Variants in HOMER3 observed in about 807,000 individuals in gnomAD.
HOMER3 encodes the protein homer protein homolog 3.
Under a neutral mutation model 45.5 loss-of-function variants are expected in HOMER3, and 34 were observed. The observed-to-expected ratio is 0.75, with a 90% CI of 0.57 to 1.00. The LOEUF (loss-of-function observed/expected upper bound fraction) is 1.00, where lower values mean the gene tolerates loss of function less well. Among genes scored for constraint, HOMER3 ranks in the 50% least tolerant of loss-of-function variants. HOMER3 has a pLI of 0.00. For synonymous variants in HOMER3, 223 were observed against 208.8 expected (o/e 1.07, Z -0.58); for missense variants, 480 against 497.5 (o/e 0.96, Z 0.33).
At chr19:18,932,773 G>C (rs1035637596) in intron 6 of HOMER3, 151 bp downstream of exon 6, 9 of 577,204 alleles carry the variant, frequency 1.6e-5, no homozygotes, top group African/African-American at 1.4e-4. Context: ...GGCTCTGGAT[G>C]GGGCAGCATT....
intron 5 of HOMER3, among the ~76,000 whole-genome samples, chr19:18,933,486 G>A (rs1345590526): frequency 6.6e-6 from 1 of 152,210 alleles, no homozygotes; most frequent in Admixed American, 6.5e-5. Context: ...CACTGGCTCT[G>A]AGGGTAGACA....
Position 18,933,037 on chromosome 19 carries a change from C to T in HOMER3, c.420G>A (p.Pro140=). Residue 140 remains proline, a synonymous_variant, in exon 6 of 10, where the codon CCG becomes CCA. Transcript: ENST00000392351. The part of the protein sequence containing the change: ...ALGLASHQVP[P]SPLVSANGPG... The stretch of plus-strand genomic sequence containing the variant: ...GGCCGTTGGCACTGACGAGAGGGCT[C>T]GGGGGCACCTAGGCACGGGGAAAAG... 1.3e-6 allele frequency: 2 copies of T among 1,488,258 alleles called. No individual in the cohort carries two copies. The highest frequency in any genetic ancestry group is 8.9e-7 in the Non-Finnish European group (1 of 1,123,678). 92.2% of individuals were successfully genotyped at this position (1,488,258 alleles called of 1,614,324 possible).
At chr19:18,933,108 T>G in intron 5 of HOMER3, 63 bp from the exon 6 acceptor site, 1 of 1,408,858 alleles carries the variant, frequency 7.1e-7, no homozygotes, top group Non-Finnish European at 9.3e-7. Context: ...CTGATGTGAC[T>G]GGGGTCGTCA....
chr19:18,938,023 C>G (rs1488731199), intron 4 of HOMER3, among the ~76,000 whole-genome samples: 1 of 151,924 alleles, frequency 6.6e-6, no homozygotes, highest in Non-Finnish European at 1.5e-5. Context: ...GAAACCCTGT[C>G]TCTAATAAAA....
rs542800335 is a variant in HOMER3, at chr19:18,931,942, G to A, written c.690+34C>T. ...GCGGTCTCCACAGTTGCCCGGGCCA[G>A]GTGGGGGTCTCTCGGAGGGAGGGGT... On this transcript the variant is annotated intron_variant, in intron 7 of 9. Coordinates refer to ENST00000392351, the MANE Select transcript of HOMER3 (RefSeq NM_004838.4). 48 of 1,496,952 alleles carry A rather than the reference G, an allele frequency of 3.2e-5. No homozygotes were observed. In the East Asian group the frequency reaches 8.7e-4, roughly 27 times the overall value. 92.7% of individuals were successfully genotyped at this position (1,496,952 alleles called of 1,614,324 possible).
At chr19:18,936,144 T>C (rs1268080313) in intron 4 of HOMER3, among the ~76,000 whole-genome samples, 1 of 150,426 alleles carries the variant, frequency 6.6e-6, no homozygotes, top group Non-Finnish European at 1.5e-5. Flanking sequence ...TGAAACCCCA[T>C]GTCTACTAAA....
Position 18,929,569 on chromosome 19 carries a change from C to T in HOMER3, c.960G>A (p.Glu320=). ...GCGCCCGCTCCCGCTCTGCCCGTGC[C>T]TCCTCCAGGCTGCGCTCCATCGCCC... ...QLRAMERSLE[E]ARAERERARA... The change falls in exon 10 of 10, where the codon GAG becomes GAA. Residue 320 remains glutamate (E), a synonymous_variant. Coordinates refer to ENST00000392351, the MANE Select transcript of HOMER3 (RefSeq NM_004838.4). 1 of 1,548,654 alleles carries T rather than the reference C, an allele frequency of 6.5e-7. No homozygotes were observed. The highest frequency in any genetic ancestry group is 8.7e-7 in the Non-Finnish European group (1 of 1,147,500).
intron 4 of HOMER3, among the ~76,000 whole-genome samples, chr19:18,936,665 C>CA (rs779195619): frequency 2.0e-3 from 218 of 107,378 alleles, no homozygotes; most frequent in Middle Eastern, 0.012. Flanking sequence ...ACTCTGTCTC[C>CA]AAAAAAAAAA....
At chr19:18,937,979 G>A (rs192086740) in intron 4 of HOMER3, among the ~76,000 whole-genome samples, 4 of 152,078 alleles carry the variant, frequency 2.6e-5, no homozygotes, top group Admixed American at 6.6e-5. Flanking sequence ...ATCATTTCAG[G>A]TCAGGAGTTC....
chr19:18,934,445 C>T, intron 4 of HOMER3, 35 bp from the exon 5 acceptor site: 4 of 1,366,104 alleles, frequency 2.9e-6, no homozygotes, highest in Non-Finnish European at 4.0e-6. Context: ...AGTAAAACCC[C>T]AGCCCATCCT....
At position 18,929,560 on chromosome 19, in the gene HOMER3, T is replaced by C. The variant is rs2057006895; in HGVS notation, c.969A>G (p.Ala323=). 6.4e-7 allele frequency: 1 copy of C among 1,550,968 alleles called. No individual in the cohort carries two copies. Among genetic ancestry groups the C allele is most frequent in the Non-Finnish European group, 8.7e-7 (1 of 1,148,970 alleles). ...CCTCAGCCCGCGCCCGCTCCCGCTC[T>C]GCCCGTGCCTCCTCCAGGCTGCGCT... ...AMERSLEEAR[A]ERERARAEVG... Residue 323 remains alanine, a synonymous_variant, in exon 10 of 10, where the codon GCA becomes GCG. Coordinates refer to ENST00000392351, the MANE Select transcript of HOMER3 (RefSeq NM_004838.4).
chr19:18,929,572 C>T lies in HOMER3; in HGVS notation c.957G>A (p.Glu319=), dbSNP rs1234846701. The change falls in exon 10 of 10, where the codon GAG becomes GAA. Residue 319 remains glutamate (E), a synonymous_variant. Transcript: ENST00000392351. ...HQLRAMERSL[E]EARAERERAR... is the part of the protein sequence containing the mutation. The stretch of plus-strand genomic sequence containing the variant: ...CCCGCTCCCGCTCTGCCCGTGCCTC[C>T]TCCAGGCTGCGCTCCATCGCCCGCA... 5 of 1,548,292 alleles carry T rather than the reference C, an allele frequency of 3.2e-6. No individual in the cohort carries two copies. Among genetic ancestry groups the T allele is most frequent in the Non-Finnish European group, 4.4e-6 (5 of 1,147,312 alleles).
At chr19:18,930,548 A>T (rs188190538) in intron 9 of HOMER3, among the ~76,000 whole-genome samples, 265 of 150,040 alleles carry the variant, frequency 1.8e-3, no homozygotes, top group Non-Finnish European at 2.1e-3. Context: ...AAAAAAAAGT[A>T]CCCCCTGAAC....
chr19:18,929,455 C>T lies in HOMER3; in HGVS notation c.1074G>A (p.Glu358=). The T allele has an allele frequency of 6.3e-7, 1 of 1,595,824 alleles. No homozygotes were observed. The highest frequency in any genetic ancestry group is 8.5e-7 in the Non-Finnish European group (1 of 1,174,662). The change falls in exon 10 of 10, where the codon GAG becomes GAA. Residue 358 remains glutamate, a synonymous_variant. Transcript: ENST00000392351. Reference sequence around the variant, plus strand: ...AACCAGCCCCGGCTCAGGGCGCAGCCTCAGCCAGGCGGGCCAGGCCCTCAC... The same window carrying T: ...AACCAGCCCCGGCTCAGGGCGCAGCTTCAGCCAGGCGGGCCAGGCCCTCAC... The part of the protein sequence containing the change: ...ELREGLARLA[E]AAP
At chr19:18,932,886 C>CCCCCCCCCCCCCCCCCCCCCCCCAA in intron 6 of HOMER3, 38 bp downstream of exon 6, 1 of 363,768 alleles carries the variant, frequency 2.7e-6, no homozygotes, top group Non-Finnish European at 5.0e-6. Context: ...CCCACCCCTA[C>CCCCCCCCCCCCCCCCCCCCCCCCAA]CCCCGCCCCT....
At chr19:18,931,031 C>T (rs2057025910) in intron 9 of HOMER3, among the ~76,000 whole-genome samples, 1 of 152,040 alleles carries the variant, frequency 6.6e-6, no homozygotes, top group African/African-American at 2.4e-5. Context: ...AAAATAAAGC[C>T]AAGCCAAGCC....
intron 1 of HOMER3, chr19:18,939,377 G>C (rs1450246105): frequency 9.1e-6 from 2 of 219,708 alleles, no homozygotes; most frequent in Non-Finnish European, 1.8e-5. Flanking sequence ...GGAGGTCAAG[G>C]CTGCAGTGCA....
chr19:18,939,719 A>G (rs2057133945), intron 1 of HOMER3: 1 of 152,368 alleles, frequency 6.6e-6, no homozygotes, highest in Admixed American at 6.5e-5. Flanking sequence ...TTCACCCATG[A>G]CTGGCCAGAG....
At chr19:18,932,849 T>A in intron 6 of HOMER3, 75 bp downstream of exon 6, 1 of 1,183,700 alleles carries the variant, frequency 8.4e-7, no homozygotes, top group Non-Finnish European at 1.1e-6. Context: ...GGCACTCCCT[T>A]GGCTTCCAAG....
Sources: gnomAD v4.1 joint callset for allele counts (sites outside exome capture counted in the v4.1 genomes callset) on GRCh38, gnomAD v4.1.1 for gene constraint, MANE v1.5 for transcripts, NCBI Gene and HGNC (gene_info 2026-07-23, HGNC 2026-07-21) for gene names.